The following SNED1 variants were observed in gnomAD, a reference collection of about 807,000 sequenced individuals.
The protein encoded by SNED1 is sushi, nidogen and EGF-like domain-containing protein 1.
A neutral mutation model predicts 166.7 loss-of-function variants in SNED1; 81 were observed. The observed-to-expected ratio is 0.49, with a 90% CI of 0.41 to 0.58. The LOEUF is 0.58. Among genes scored for constraint, SNED1 ranks in the 20% least tolerant of loss-of-function variants. SNED1 has a pLI of 0.00. For missense variants in SNED1, 1,604 were observed against 2,000.2 expected (o/e 0.80, Z 3.78); for synonymous variants, 762 against 822.0 (o/e 0.93, Z 1.25).
In SNED1 at chr2:241,070,058, G is replaced by T. The variant is rs375573059; in HGVS notation, c.3446G>T (p.Arg1149Leu). 2.0e-5 allele frequency: 33 copies of T among 1,612,968 alleles called. No homozygotes were observed. Among genetic ancestry groups the T allele is most frequent in the Non-Finnish European group, 2.7e-5 (32 of 1,179,894 alleles). Residue 1149 changes from arginine to leucine, a missense_variant, in exon 24 of 32, where the codon CGC becomes CTC. This residue lies in a region of SNED1 where 367 missense variants were observed against 379.4 expected (regional missense o/e 0.97). Transcript: ENST00000310397. ...ACCACCAGCCAGAGCACCAAGAGCC[G>T]CTATGTCCCCAACGGGAAGCTGGCG... ...NVTTSQSTKSRYVPNGKLASY... is the reference protein window; with the variant it reads ...NVTTSQSTKSLYVPNGKLASY...
chr2:241,067,206 G>A (rs918656109), intron 21 of SNED1, among the ~76,000 whole-genome samples: 7 of 152,194 alleles, frequency 4.6e-5, no homozygotes, highest in South Asian at 2.1e-4. Context: ...CTGAGTTGCC[G>A]GGAGCTGAGC....
rs777591593 is a variant in SNED1 at position 241,040,307 on chromosome 2, C to G, written c.1167C>G (p.Asp389Glu). 1.9e-6 allele frequency: 3 copies of G among 1,601,920 alleles called. No individual in the cohort carries two copies. The South Asian group carries it at 3.4e-5, about 18-fold the overall frequency. Residue 389 changes from aspartate (D) to glutamate (E), a missense_variant, in exon 8 of 32, where the codon GAC becomes GAG. Around this residue, in one of 2 missense-constraint regions of SNED1, gnomAD observed 1,237 missense variants for 1,620.8 expected, o/e 0.76. Transcript: ENST00000310397. ...ACCTCTGCTGCCCCTCAGATGTGGA[C>G]GACTGCAGCCCTGACCCCTGCCTGA... Reference protein sequence around the residue: ...YTGAACEMDVDDCSPDPCLNG... With the variant: ...YTGAACEMDVEDCSPDPCLNG...
chr2:241,055,121 A>G (rs2062004595), intron 16 of SNED1, among the ~76,000 whole-genome samples: 1 of 152,106 alleles, frequency 6.6e-6, no homozygotes, highest in Admixed American at 6.5e-5. Flanking sequence ...TGTCTCAAAA[A>G]AAAAAAAGAA....
At chr2:241,040,474 C>T (rs2061494053) in intron 8 of SNED1, 61 bp downstream of exon 8, 6 of 1,035,880 alleles carry the variant, frequency 5.8e-6, no homozygotes, top group Non-Finnish European at 8.4e-6. Context: ...CGTGAACACC[C>T]CCATAGCCAC....
chr2:241,027,960 C>G (rs2061032004), intron 1 of SNED1, among the ~76,000 whole-genome samples: 1 of 152,102 alleles, frequency 6.6e-6, no homozygotes, highest in Admixed American at 6.5e-5. Context: ...GTCTTGATCT[C>G]CTGACCTCGT....
chr2:241,081,640 G>T (rs1012936423), intron 27 of SNED1, 37 bp from the exon 28 acceptor site: 2 of 1,471,056 alleles, frequency 1.4e-6, no homozygotes, highest in Middle Eastern at 1.7e-4. Flanking sequence ...CTGTCCTGGG[G>T]TTCCAGTGAC....
At chr2:241,008,212 G>T (rs2060281676) in intron 1 of SNED1, among the ~76,000 whole-genome samples, 1 of 152,236 alleles carries the variant, frequency 6.6e-6, no homozygotes, top group African/African-American at 2.4e-5. Flanking sequence ...TCCCAAGTGG[G>T]GGAACAGAGT....
chr2:241,060,162 TAAATGTAAAAGCTAAAACTATAAAC>T, intron 16 of SNED1, among the ~76,000 whole-genome samples: 1 of 151,848 alleles, frequency 6.6e-6, no homozygotes, highest in African/African-American at 2.4e-5. Flanking sequence ...ACTATAAACA[TAAATGTAAAAGCTAAAACTATAAAC>T]TTTTTTTTTT....
intron 8 of SNED1, among the ~76,000 whole-genome samples, chr2:241,047,106 C>T (rs1297875660): frequency 1.4e-5 from 2 of 143,450 alleles, no homozygotes; most frequent in African/African-American, 5.2e-5. Context: ...GATCGCGCCA[C>T]TGCACTGCAC....
chr2:241,052,411 G>T lies in SNED1; in HGVS notation c.2026G>T (p.Asp676Tyr). 1 of 1,605,182 alleles carries T rather than the reference G, an allele frequency of 6.2e-7. No homozygotes were observed. Among genetic ancestry groups the T allele is most frequent in the Non-Finnish European group, 8.5e-7 (1 of 1,175,602 alleles). ...GAATGGGGGCACCTGCGAGGACCGG[G>T]ACACGGATTTCTTCTGCCACTGCCA... is the stretch of plus-strand genomic sequence containing the variant. ...CVNGGTCEDRDTDFFCHCQAG... is the reference protein window; with the variant it reads ...CVNGGTCEDRYTDFFCHCQAG... Residue 676 changes from aspartate (D) to tyrosine (Y), a missense_variant, in exon 15 of 32, where the codon GAC becomes TAC. By Grantham distance (160) the Asp-to-Tyr change is radical. Coordinates refer to ENST00000310397, the MANE Select transcript of SNED1 (RefSeq NM_001080437.3).
At chr2:241,070,247 G>C (rs766947288) in intron 24 of SNED1, 46 bp downstream of exon 24, 165 of 1,549,780 alleles carry the variant, frequency 1.1e-4, no homozygotes, top group Non-Finnish European at 1.4e-4. Context: ...GTGTTTGCCA[G>C]CCCTCCACCC....
At chr2:241,031,979 T>C (rs1046535092) in intron 2 of SNED1, among the ~76,000 whole-genome samples, 3 of 152,204 alleles carry the variant, frequency 2.0e-5, no homozygotes, top group Admixed American at 2.0e-4. Flanking sequence ...CAAGTCGCCT[T>C]ATGCATGATC....
intron 16 of SNED1, 87 bp downstream of exon 16, chr2:241,053,413 C>T: frequency 7.3e-7 from 1 of 1,378,752 alleles, no homozygotes; most frequent in South Asian, 1.4e-5. Flanking sequence ...GGCTGCAGGC[C>T]CAAGCCTGGA....
intron 1 of SNED1, among the ~76,000 whole-genome samples, chr2:241,028,294 G>A (rs2061047400): frequency 6.6e-6 from 1 of 152,092 alleles, no homozygotes; most frequent in Non-Finnish European, 1.5e-5. Flanking sequence ...TAATTTTCAT[G>A]AAGTCCGATT....
At chr2:241,032,091 TG>T (rs1275557697) in intron 2 of SNED1, among the ~76,000 whole-genome samples, 2 of 152,182 alleles carry the variant, frequency 1.3e-5, no homozygotes, top group East Asian at 3.9e-4. Flanking sequence ...GGCTCACCCC[TG>T]TAATTCCAGC....
At chr2:241,048,489 C>T (rs1279075081) in intron 9 of SNED1, 49 bp downstream of exon 9, 7 of 1,552,370 alleles carry the variant, frequency 4.5e-6, no homozygotes, top group Non-Finnish European at 6.1e-6. Flanking sequence ...GGCAGGAGAC[C>T]CAGGGAGGGC....
chr2:241,081,115 G>A (rs1243592535), intron 27 of SNED1, among the ~76,000 whole-genome samples: 1 of 152,240 alleles, frequency 6.6e-6, no homozygotes, highest in Non-Finnish European at 1.5e-5. Context: ...GGCCGCCTGG[G>A]CTGGCTGGGG....
intron 27 of SNED1, among the ~76,000 whole-genome samples, chr2:241,078,763 T>C (rs2063170526): frequency 6.6e-6 from 1 of 151,794 alleles, no homozygotes. Flanking sequence ...CAATAAATTG[T>C]ACACTTTGGG....
At chr2:241,070,879 G>A (rs1160332035) in intron 24 of SNED1, among the ~76,000 whole-genome samples, 3 of 152,218 alleles carry the variant, frequency 2.0e-5, no homozygotes, top group Non-Finnish European at 4.4e-5. Context: ...GCAGAGCAGT[G>A]CGCGGCTCCC....
Sources: allele counts gnomAD v4.1 joint callset (sites outside exome capture counted in the v4.1 genomes callset), GRCh38; gene constraint gnomAD v4.1.1; regional missense constraint gnomAD v4.1.1; transcripts MANE v1.5; gene names NCBI Gene and HGNC (gene_info 2026-07-23, HGNC 2026-07-21).